GRIK2: variants seen among roughly 807,000 people sequenced by gnomAD.
GRIK2 encodes the protein glutamate receptor ionotropic, kainate 2.
GRIK2 carries 32 observed loss-of-function variants against 100.3 expected under a neutral mutation model. That is an observed-to-expected ratio of 0.32 (90% CI 0.24 to 0.43). The LOEUF (loss-of-function observed/expected upper bound fraction) is 0.43. Ranked by LOEUF, GRIK2 falls within the 20% of genes least tolerant of loss-of-function variation. The pLI, the probability that GRIK2 is intolerant of heterozygous loss-of-function variation, is 1.00. For missense variants in GRIK2, 843 were observed against 1,114.9 expected (o/e 0.76, Z 3.47); for synonymous variants, 417 against 389.4 (o/e 1.07, Z -0.83).
chr6:101,569,526 T>G (rs1340126777), intron 2 of GRIK2, among the ~76,000 whole-genome samples: 1 of 151,866 alleles, frequency 6.6e-6, no homozygotes, highest in Non-Finnish European at 1.5e-5. Flanking sequence ...TATTGCTGAA[T>G]TATTCCAAAT....
chr6:101,926,452 T>A (rs1160238878), intron 13 of GRIK2, among the ~76,000 whole-genome samples: 1 of 152,096 alleles, frequency 6.6e-6, no homozygotes, highest in Non-Finnish European at 1.5e-5. Context: ...GTTTCATATC[T>A]CTTTGACAAA....
At chr6:101,898,386 C>A (rs1054270660) in intron 12 of GRIK2, among the ~76,000 whole-genome samples, 1 of 151,520 alleles carries the variant, frequency 6.6e-6, no homozygotes, top group Non-Finnish European at 1.5e-5. Context: ...AATTTAGAAA[C>A]TTGGCAGTTT....
intron 10 of GRIK2, among the ~76,000 whole-genome samples, chr6:101,840,234 G>A (rs1783408332): frequency 6.6e-6 from 1 of 152,180 alleles, no homozygotes; most frequent in African/African-American, 2.4e-5. Context: ...TGGCTCACAA[G>A]TTCTTTAAGC....
intron 14 of GRIK2, among the ~76,000 whole-genome samples, chr6:101,965,046 GA>G (rs1792570793): frequency 6.6e-6 from 1 of 152,088 alleles, no homozygotes. Flanking sequence ...CTCTTATCTG[GA>G]GCCTCTGGAT....
chr6:101,720,981 T>C (rs1366249582), intron 7 of GRIK2, among the ~76,000 whole-genome samples: 1 of 152,040 alleles, frequency 6.6e-6, no homozygotes, highest in African/African-American at 2.4e-5. Context: ...TTTTGGGAGA[T>C]TGATCATTAA....
chr6:101,841,456 C>G (rs1009883811), intron 10 of GRIK2, among the ~76,000 whole-genome samples: 1 of 151,990 alleles, frequency 6.6e-6, no homozygotes. Context: ...CTCTGCCCCC[C>G]AGGTTCAAGC....
At chr6:101,878,120 T>G (rs1785991395) in intron 11 of GRIK2, among the ~76,000 whole-genome samples, 1 of 133,634 alleles carries the variant, frequency 7.5e-6, no homozygotes, top group South Asian at 2.4e-4. Context: ...TTATATTATA[T>G]TATATTATAT....
chr6:101,496,632 G>A (rs1214825755), intron 2 of GRIK2, among the ~76,000 whole-genome samples: 1 of 152,114 alleles, frequency 6.6e-6, no homozygotes, highest in Admixed American at 6.5e-5. Flanking sequence ...AAAGTAATAA[G>A]GTTGGAGAGT....
At chr6:101,753,297 A>AAG (rs1776914759) in intron 7 of GRIK2, among the ~76,000 whole-genome samples, 1 of 147,246 alleles carries the variant, frequency 6.8e-6, no homozygotes, top group Non-Finnish European at 1.5e-5. Context: ...AAAAAAAAAA[A>AAG]AAAAAGAAAA....
chr6:101,840,632 A>C (rs1274083779), intron 10 of GRIK2, among the ~76,000 whole-genome samples: 4 of 152,182 alleles, frequency 2.6e-5, no homozygotes, highest in African/African-American at 9.7e-5. Flanking sequence ...TTTATCAGTC[A>C]ATTATTTTAT....
chr6:102,067,349 C>G (rs1237857666), intron 16 of GRIK2, among the ~76,000 whole-genome samples: 1 of 151,608 alleles, frequency 6.6e-6, no homozygotes, highest in Non-Finnish European at 1.5e-5. Flanking sequence ...TGAAATTTTT[C>G]TTCCTGCCTA....
intron 4 of GRIK2, among the ~76,000 whole-genome samples, chr6:101,638,602 A>G (rs1458413463): frequency 1.3e-5 from 2 of 152,184 alleles, no homozygotes; most frequent in African/African-American, 4.8e-5. Context: ...ATTTTGAGCT[A>G]AAGGAGCCAC....
chr6:101,942,594 T>C (rs1253891604), intron 14 of GRIK2, among the ~76,000 whole-genome samples: 4 of 152,200 alleles, frequency 2.6e-5, no homozygotes, highest in African/African-American at 9.6e-5. Flanking sequence ...GTCACTCTTG[T>C]AATGCTTTAG....
chr6:101,579,565 C>T (rs370767880), intron 2 of GRIK2, among the ~76,000 whole-genome samples: 1 of 151,408 alleles, frequency 6.6e-6, no homozygotes, highest in East Asian at 2.0e-4. Flanking sequence ...TTAAAAGATA[C>T]ATTTGGGCCG....
intron 7 of GRIK2, among the ~76,000 whole-genome samples, chr6:101,799,025 C>T (rs1027623753): frequency 3.3e-5 from 5 of 152,010 alleles, no homozygotes; most frequent in African/African-American, 4.8e-5. Flanking sequence ...TCTTGAAAAG[C>T]GGGTAATACA....
intron 9 of GRIK2, among the ~76,000 whole-genome samples, chr6:101,808,684 C>T (rs1781148053): frequency 6.6e-6 from 1 of 151,786 alleles, no homozygotes; most frequent in Non-Finnish European, 1.5e-5. Context: ...GAATAGAATT[C>T]CCTATCTCCT....
chr6:101,419,122 A>G (rs567954779), intron 2 of GRIK2, among the ~76,000 whole-genome samples: 80 of 152,216 alleles, frequency 5.3e-4, no homozygotes, highest in African/African-American at 1.5e-3. Flanking sequence ...AGCTATGATG[A>G]CTTTTTGTTT....
chr6:101,462,668 A>C (rs1039971074), intron 2 of GRIK2, among the ~76,000 whole-genome samples: 8 of 152,152 alleles, frequency 5.3e-5, no homozygotes, highest in Non-Finnish European at 1.0e-4. Context: ...GTTTGTAGCA[A>C]ATTTTTAGAG....
intron 2 of GRIK2, among the ~76,000 whole-genome samples, chr6:101,555,624 T>TATAAAGC (rs1241127606): frequency 6.6e-6 from 1 of 152,228 alleles, no homozygotes; most frequent in Non-Finnish European, 1.5e-5. Flanking sequence ...AAAGAGAATT[T>TATAAAGC]ATAAAGCATA....
Sources: allele counts gnomAD v4.1 joint callset (sites outside exome capture counted in the v4.1 genomes callset), GRCh38; gene constraint gnomAD v4.1.1; transcripts MANE v1.5; gene names NCBI Gene and HGNC (gene_info 2026-07-23, HGNC 2026-07-21).